RBFOX1: variants seen among roughly 807,000 people sequenced by gnomAD.
RBFOX1 encodes the protein RNA binding fox-1 homolog 1.
In RBFOX1, 8 loss-of-function variants were observed where a neutral mutation model predicts 57.7. The ratio of observed to expected loss-of-function variants is 0.14; its 90% confidence interval spans 0.08 to 0.25. RBFOX1 has a LOEUF of 0.25. RBFOX1 is among the 10% of genes least tolerant of loss of function. The pLI, the probability that RBFOX1 is intolerant of heterozygous loss-of-function variation, is 1.00. For synonymous variants in RBFOX1, 326 were observed against 222.4 expected (o/e 1.47, Z -4.15); for missense variants, 611 against 548.5 (o/e 1.11, Z -1.14).
chr16:5,969,575 A>G (rs771558085), intron 4 of RBFOX1, among the ~76,000 whole-genome samples: 3 of 149,124 alleles, frequency 2.0e-5, no homozygotes, highest in Admixed American at 6.7e-5. Context: ...GCCTGCCTCA[A>G]CCTCCCACAG....
intron 3 of RBFOX1, among the ~76,000 whole-genome samples, chr16:6,940,175 G>C (rs1055380673): frequency 1.3e-4 from 19 of 151,352 alleles, no homozygotes; most frequent in African/African-American, 4.4e-4. Context: ...CTGGGCAACA[G>C]AGTGAGACTC....
At chr16:6,060,946 C>T (rs372421693) in intron 1 of RBFOX1, among the ~76,000 whole-genome samples, 19 of 152,292 alleles carry the variant, frequency 1.2e-4, no homozygotes, top group African/African-American at 3.8e-4. Context: ...CACGGGGCTG[C>T]CCTGAACCCA....
At chr16:6,745,825 A>G (rs1161709689) in intron 3 of RBFOX1, among the ~76,000 whole-genome samples, 2 of 152,194 alleles carry the variant, frequency 1.3e-5, no homozygotes, top group Non-Finnish European at 1.5e-5. Context: ...ATCTGTTTAG[A>G]GAAGAAAAAA....
intron 2 of RBFOX1, among the ~76,000 whole-genome samples, chr16:5,532,977 G>A (rs761992188): frequency 1.1e-4 from 17 of 152,174 alleles, no homozygotes; most frequent in Non-Finnish European, 2.1e-4. Context: ...GAGGGGGCTA[G>A]AGCATATAAA....
intron 1 of RBFOX1, among the ~76,000 whole-genome samples, chr16:5,327,893 G>C (rs76907107): frequency 6.6e-6 from 1 of 152,214 alleles, no homozygotes; most frequent in African/African-American, 2.4e-5. Context: ...GGGATGGGAA[G>C]TAAGGCTTAA....
At chr16:5,990,706 G>A (rs369640416) in intron 4 of RBFOX1, among the ~76,000 whole-genome samples, 1 of 149,588 alleles carries the variant, frequency 6.7e-6, no homozygotes, top group African/African-American at 2.4e-5. Context: ...AGTGGCTCAC[G>A]CCTGTAATCG....
At chr16:6,429,520 C>T (rs2094018808) in intron 2 of RBFOX1, among the ~76,000 whole-genome samples, 1 of 152,174 alleles carries the variant, frequency 6.6e-6, no homozygotes, top group Non-Finnish European at 1.5e-5. Flanking sequence ...CTGTTTGTTC[C>T]TTGTTCAATA....
chr16:7,141,114 G>T (rs1450837764), intron 4 of RBFOX1, among the ~76,000 whole-genome samples: 1 of 152,160 alleles, frequency 6.6e-6, no homozygotes, highest in African/African-American at 2.4e-5. Flanking sequence ...GTCATCTTGT[G>T]CAAAGTGGCT....
At chr16:7,304,262 G>T (rs540669650) in intron 4 of RBFOX1, 11 of 983,862 alleles carry the variant, frequency 1.1e-5, no homozygotes, top group Non-Finnish European at 1.2e-5. Flanking sequence ...GCGAGCCACC[G>T]GTCATTGACT....
At chr16:7,531,549 G>A (rs930067897) in intron 5 of RBFOX1, among the ~76,000 whole-genome samples, 15 of 152,178 alleles carry the variant, frequency 9.9e-5, no homozygotes, top group South Asian at 2.1e-4. Context: ...GGCAGCCACG[G>A]TCCACTGTCT....
At chr16:7,430,340 A>G (rs2098666755) in intron 4 of RBFOX1, among the ~76,000 whole-genome samples, 1 of 152,166 alleles carries the variant, frequency 6.6e-6, no homozygotes, top group African/African-American at 2.4e-5. Context: ...TAATATTTTG[A>G]AACAACTTCC....
chr16:6,954,111 C>T (rs1568057351), intron 3 of RBFOX1, among the ~76,000 whole-genome samples: 1 of 152,152 alleles, frequency 6.6e-6, no homozygotes, highest in Non-Finnish European at 1.5e-5. Context: ...CTTAAGGTGT[C>T]AGTCACCTTT....
intron 3 of RBFOX1, among the ~76,000 whole-genome samples, chr16:5,640,184 C>T (rs1052791419): frequency 6.6e-6 from 1 of 152,162 alleles, no homozygotes. Context: ...AGCAGGACAG[C>T]ATTGCTCTCT....
chr16:7,119,122 G>A (rs1317104271), intron 4 of RBFOX1, among the ~76,000 whole-genome samples: 1 of 152,258 alleles, frequency 6.6e-6, no homozygotes, highest in Non-Finnish European at 1.5e-5. Context: ...GTGTTGCAAT[G>A]TATGTGTGCT....
intron 2 of RBFOX1, among the ~76,000 whole-genome samples, chr16:6,543,516 G>A (rs569668429): frequency 2.0e-5 from 3 of 152,044 alleles, no homozygotes; most frequent in East Asian, 1.9e-4. Flanking sequence ...AGATCTTTCC[G>A]CCTGCATTTT....
At chr16:5,306,658 A>G (rs1383602629) in intron 1 of RBFOX1, among the ~76,000 whole-genome samples, 1 of 152,158 alleles carries the variant, frequency 6.6e-6, no homozygotes, top group Non-Finnish European at 1.5e-5. Flanking sequence ...AGATCGAGTT[A>G]AATGCACAGC....
chr16:7,381,284 T>C (rs191400295), intron 4 of RBFOX1, among the ~76,000 whole-genome samples: 204 of 152,324 alleles, frequency 1.3e-3, no homozygotes, highest in African/African-American at 4.6e-3. Flanking sequence ...CTTGTTGTCC[T>C]TGTTGGCTCA....
chr16:6,562,851 TCTTTCTTTCTTTCTTTCTTTCTTTCTTTC>T (rs2097197796), intron 2 of RBFOX1, among the ~76,000 whole-genome samples: 5 of 50,540 alleles, frequency 9.9e-5, no homozygotes, highest in African/African-American at 6.2e-4. Flanking sequence ...TTTCTTTCTT[TCTTTCTTTCTTTCTTTCTTTCTTTCTTTC>T]TTTTTTTTTT....
At chr16:7,335,303 G>A (rs2096765677) in intron 4 of RBFOX1, among the ~76,000 whole-genome samples, 1 of 152,130 alleles carries the variant, frequency 6.6e-6, no homozygotes, top group Non-Finnish European at 1.5e-5. Context: ...AGGGAATTAA[G>A]GTTCTATCAC....
Sources: gnomAD v4.1 joint callset for allele counts (sites outside exome capture counted in the v4.1 genomes callset) on GRCh38, gnomAD v4.1.1 for gene constraint, MANE v1.5 for transcripts, NCBI Gene and HGNC (gene_info 2026-07-23, HGNC 2026-07-21) for gene names.